The following NFATC1 variants were observed in gnomAD, a reference collection of about 807,000 sequenced individuals.
The protein encoded by NFATC1 is nuclear factor of activated T-cells, cytoplasmic 1.
NFATC1 carries 22 observed loss-of-function variants against 76.0 expected under a neutral mutation model. That is an observed-to-expected ratio of 0.29 (90% CI 0.21 to 0.41). The LOEUF is 0.41. Among genes scored for constraint, NFATC1 ranks in the 10% least tolerant of loss-of-function variants. The pLI is 1.00. For missense variants in NFATC1, 1,357 were observed against 1,337.7 expected, an observed-to-expected ratio of 1.01 and a Z score of -0.23; for synonymous variants, 704 against 613.1, an observed-to-expected ratio of 1.15 and a Z score of -2.19.
intron 3 of NFATC1, among the ~76,000 whole-genome samples, chr18:79,444,735 A>ACC (rs2087130366): frequency 1.4e-5 from 2 of 138,708 alleles, no homozygotes; most frequent in African/African-American, 3.3e-5. Context: ...CCCCGTGGGC[A>ACC]CACACGTGCC....
chr18:79,433,520 T>G, intron 2 of NFATC1, 59 bp from the exon 3 acceptor site: 1 of 1,601,528 alleles, frequency 6.2e-7, no homozygotes, highest in Non-Finnish European at 8.5e-7. Flanking sequence ...CACGGGCACG[T>G]GTGGCCCGGG....
chr18:79,449,015 AG>A, intron 4 of NFATC1, 31 bp downstream of exon 4: 3 of 1,604,314 alleles, frequency 1.9e-6, no homozygotes, highest in Non-Finnish European at 2.6e-6. Context: ...GGCCTCTGGC[AG>A]GGGGCGGTAG....
chr18:79,439,983 G>A (rs1390661763), intron 3 of NFATC1, among the ~76,000 whole-genome samples: 1 of 152,168 alleles, frequency 6.6e-6, no homozygotes, highest in East Asian at 1.9e-4. Flanking sequence ...CACGGGGAAG[G>A]CGTGTGGCCT....
chr18:79,527,996 T>G lies in NFATC1; in HGVS notation c.*419T>G. On this transcript the variant is annotated 3_prime_UTR_variant, in exon 10 of 10. Coordinates refer to ENST00000427363, the MANE Select transcript of NFATC1 (RefSeq NM_001278669.2). ...CATTGAATTTGCTACTGTAGGAGTA[T>G]TTTTAGGAGCAGAAACTGCAAACAC... 1 of 409,310 alleles carries G rather than the reference T, an allele frequency of 2.4e-6. No individual in the cohort carries two copies. The highest frequency in any genetic ancestry group is 4.3e-6 in the Non-Finnish European group (1 of 231,684). 25.4% of individuals were successfully genotyped at this position (409,310 alleles called of 1,614,324 possible). A position where few individuals can be genotyped will look rare whatever the true frequency, so the allele number is the denominator to read the frequency against.
At position 79,498,073 on chromosome 18, in the gene NFATC1, G is replaced by C. The variant is rs568499783; in HGVS notation, c.2782+11136G>C. The C allele has an allele frequency of 4.0e-5, 6 of 151,028 alleles. No homozygotes were observed. In the East Asian group the frequency reaches 5.9e-4, roughly 15 times the overall value. 9.4% of individuals were successfully genotyped at this position (151,028 alleles called of 1,614,324 possible). A position where few individuals can be genotyped will look rare whatever the true frequency, so the allele number is the denominator to read the frequency against. ...GTCCTATTTGGAGGGGGATGGGGGG[G>C]GGGGAATCTCATTTCAGAGTCGCTA... On this transcript the variant is annotated intron_variant, in intron 9 of 9. Coordinates refer to ENST00000427363, the MANE Select transcript of NFATC1 (RefSeq NM_001278669.2).
At chr18:79,408,613 T>C (rs1404510869) in intron 1 of NFATC1, among the ~76,000 whole-genome samples, 1 of 152,234 alleles carries the variant, frequency 6.6e-6, no homozygotes, top group Non-Finnish European at 1.5e-5. Flanking sequence ...TTTCATCCAA[T>C]CCTTGAGGAG....
At chr18:79,497,124 A>G (rs2089908514) in intron 9 of NFATC1, 1 of 152,286 alleles carries the variant, frequency 6.6e-6, no homozygotes, top group Admixed American at 6.5e-5. Context: ...TTTTCTTCAG[A>G]GAATTTCTGA....
At chr18:79,475,824 C>T (rs564246769) in intron 8 of NFATC1, among the ~76,000 whole-genome samples, 5 of 152,242 alleles carry the variant, frequency 3.3e-5, no homozygotes, top group Admixed American at 1.3e-4. Context: ...AGCCACCCGA[C>T]GCTCAGGCCG....
rs1398240275 is a variant in NFATC1 at position 79,522,806 on chromosome 18, C to T, written c.2783-4722C>T. On this transcript the variant is annotated intron_variant, in intron 9 of 9. Coordinates refer to ENST00000427363, the MANE Select transcript of NFATC1 (RefSeq NM_001278669.2). ...CCTCCTGTCCCAGGGTCTGAGTCGTCCCCCAGGCACCAGCCAGTAGGCCCA... is the reference window on the plus strand; with the variant it reads ...CCTCCTGTCCCAGGGTCTGAGTCGTTCCCCAGGCACCAGCCAGTAGGCCCA... 2.0e-5 allele frequency among the ~76,000 whole-genome samples: 3 copies of T among 152,134 alleles called. 1 individual carries two copies. Among genetic ancestry groups the T allele is most frequent in the Non-Finnish European group, 4.4e-5 (3 of 67,986 alleles).
intron 9 of NFATC1, among the ~76,000 whole-genome samples, chr18:79,518,613 C>T (rs1369237255): frequency 6.6e-6 from 1 of 152,220 alleles, no homozygotes. Context: ...TCTGAGATCC[C>T]CCAAGGAGCC....
chr18:79,417,170 C>CGGGAGATGGGCTGTGGT (rs2085907309), intron 2 of NFATC1, among the ~76,000 whole-genome samples: 2 of 31,642 alleles, frequency 6.3e-5, no homozygotes, highest in East Asian at 6.6e-4. Flanking sequence ...TGGGCTGTGG[C>CGGGAGATGGGCTGTGGT]GGGAGATGGG....
chr18:79,398,460 T>G (rs2085076047), intron 1 of NFATC1, among the ~76,000 whole-genome samples: 1 of 152,230 alleles, frequency 6.6e-6, no homozygotes, highest in Non-Finnish European at 1.5e-5. Flanking sequence ...AGACACCCAG[T>G]GTCTGTGGAA....
chr18:79,482,583 G>A (rs2089323263), intron 8 of NFATC1, among the ~76,000 whole-genome samples: 1 of 132,072 alleles, frequency 7.6e-6, no homozygotes, highest in Non-Finnish European at 1.6e-5. Flanking sequence ...GCGTGACCTG[G>A]TCCTGGGGTG....
chr18:79,493,748 G>T (rs993074676), intron 9 of NFATC1: 1 of 152,252 alleles, frequency 6.6e-6, no homozygotes, highest in Non-Finnish European at 1.5e-5. Flanking sequence ...GCCATCCAAC[G>T]TCGTTACCGT....
intron 9 of NFATC1, 137 bp from the exon 10 acceptor site, chr18:79,527,391 C>T (rs1365457354): frequency 9.9e-6 from 7 of 708,388 alleles, no homozygotes; most frequent in South Asian, 3.5e-5. Flanking sequence ...AGGGTGGGAC[C>T]GAGGAGGAAA....
chr18:79,427,574 G>A (rs866410183), intron 2 of NFATC1, among the ~76,000 whole-genome samples: 2 of 121,036 alleles, frequency 1.7e-5, no homozygotes, highest in African/African-American at 3.1e-5. Flanking sequence ...GCAGTGGGTC[G>A]GGGGGAGCTG....
At chr18:79,482,382 G>A (rs2089311922) in intron 8 of NFATC1, among the ~76,000 whole-genome samples, 2 of 141,796 alleles carry the variant, frequency 1.4e-5, no homozygotes, top group Admixed American at 6.9e-5. Flanking sequence ...CGTGGTCCTG[G>A]GGTGTCACTC....
chr18:79,493,652 T>C (rs393567), intron 9 of NFATC1: 112,805 of 151,788 alleles, frequency 0.74, 42,347 homozygotes, highest in Non-Finnish European at 0.79. Flanking sequence ...AGAAGCTCCC[T>C]TCGTGGAAAG....
At chr18:79,504,739 A>G (rs1160620593) in intron 9 of NFATC1, among the ~76,000 whole-genome samples, 1 of 152,266 alleles carries the variant, frequency 6.6e-6, no homozygotes, top group Non-Finnish European at 1.5e-5. Flanking sequence ...AGACATCCAC[A>G]AAAGGCGCAG....
Sources: allele counts gnomAD v4.1 joint callset (sites outside exome capture counted in the v4.1 genomes callset), GRCh38; gene constraint gnomAD v4.1.1; transcripts MANE v1.5; gene names NCBI Gene and HGNC (gene_info 2026-07-23, HGNC 2026-07-21).